Variants in VAV2 observed in about 807,000 individuals in gnomAD.
VAV2 encodes vav guanine nucleotide exchange factor 2.
Under a neutral mutation model 132.5 loss-of-function variants are expected in VAV2, and 67 were observed. The observed-to-expected ratio is 0.51, with a 90% CI of 0.42 to 0.62. The LOEUF (loss-of-function observed/expected upper bound fraction) is 0.62. VAV2 is among the 20% of genes least tolerant of loss of function. VAV2 has a pLI of 0.00. For synonymous variants in VAV2, 492 were observed against 443.5 expected (o/e 1.11, Z -1.37); for missense variants, 938 against 1,153.6 (o/e 0.81, Z 2.71).
chr9:133,806,684 T>G (rs552292061), intron 8 of VAV2, among the ~76,000 whole-genome samples: 132 of 152,290 alleles, frequency 8.7e-4, no homozygotes, highest in Middle Eastern at 3.4e-3. Flanking sequence ...TGACCAGAGC[T>G]CACCCTTGCA....
At chr9:133,982,238 G>A (rs546953165) in intron 1 of VAV2, among the ~76,000 whole-genome samples, 12 of 151,828 alleles carry the variant, frequency 7.9e-5, no homozygotes, top group South Asian at 2.1e-4. Context: ...CTGGGGCACC[G>A]AAGGCCAGGG....
intron 4 of VAV2, among the ~76,000 whole-genome samples, chr9:133,831,645 T>C (rs1207612147): frequency 6.6e-6 from 1 of 152,162 alleles, no homozygotes; most frequent in Admixed American, 6.5e-5. Flanking sequence ...CCTGGCCACA[T>C]AAGGCCGATG....
intron 2 of VAV2, among the ~76,000 whole-genome samples, chr9:133,916,729 T>C (rs1840105181): frequency 6.6e-6 from 1 of 152,162 alleles, no homozygotes; most frequent in Non-Finnish European, 1.5e-5. Flanking sequence ...TCGGTTCCCC[T>C]GCAAAGGACA....
Position 133,785,846 on chromosome 9 carries a change from G to A in VAV2, c.1462C>T (p.Gln488Ter). Reference protein sequence around the residue: ...GFYLIHLQGKQGFQFFCKTED... With the variant: ...GFYLIHLQGK ...GTTTTGCAGAAAAACTGGAAGCCCT[G>A]CTTTCCTTGAAGGTGAATTAGGTAG... Residue 488 changes from glutamine to a stop codon, truncating the protein, a stop_gained, in exon 17 of 30, where the codon CAG (glutamine) becomes TAG (stop). Transcript: ENST00000371850. LOFTEE classifies it high-confidence loss of function. 1.2e-6 allele frequency: 2 copies of A among 1,614,042 alleles called. No homozygotes were observed. The highest frequency in any genetic ancestry group is 1.7e-6 in the Non-Finnish European group (2 of 1,179,992).
chr9:133,789,805 A>T (rs1257302770), intron 13 of VAV2, among the ~76,000 whole-genome samples: 1 of 152,162 alleles, frequency 6.6e-6, no homozygotes, highest in Non-Finnish European at 1.5e-5. Context: ...TGGTTCGCTG[A>T]GGTTCATTTT....
intron 1 of VAV2, among the ~76,000 whole-genome samples, chr9:133,954,437 T>C (rs146870279): frequency 6.6e-6 from 1 of 152,356 alleles, no homozygotes; most frequent in Admixed American, 6.5e-5. Context: ...TCTCGCCTGG[T>C]GCTGGAAAGG....
chr9:133,762,433 C>T lies in VAV2; in HGVS notation c.*1629G>A, dbSNP rs1833289352. On this transcript the variant is annotated 3_prime_UTR_variant, in exon 30 of 30. Transcript: ENST00000371850. The surrounding 1 kb of genome is among the most constrained non-coding windows in gnomAD (Gnocchi z 5.0). ...AACAAAACACAAACAAAACAAAAAC[C>T]CCAAAACCAAAACACAAGACCTTTC... 1 of 152,274 alleles carries T rather than the reference C, an allele frequency of 6.6e-6. No homozygotes were observed. Among genetic ancestry groups the T allele is most frequent in the African/African-American group, 2.4e-5 (1 of 41,370 alleles). The allele number at this position is 152,274 out of a possible 1,614,324, so 9.4% of individuals were successfully genotyped here.
intron 2 of VAV2, among the ~76,000 whole-genome samples, chr9:133,922,023 T>C (rs1840314272): frequency 6.6e-6 from 1 of 152,234 alleles, no homozygotes; most frequent in African/African-American, 2.4e-5. Flanking sequence ...GTTTGGCTGG[T>C]GCAGACGCCA....
intron 1 of VAV2, among the ~76,000 whole-genome samples, chr9:133,985,812 A>T (rs1842841706): frequency 6.6e-6 from 1 of 152,216 alleles, no homozygotes. Context: ...GGTGTAACAC[A>T]GTTCCCACTG....
intron 2 of VAV2, among the ~76,000 whole-genome samples, chr9:133,932,645 C>T (rs1840727282): frequency 6.6e-6 from 1 of 152,212 alleles, no homozygotes; most frequent in Non-Finnish European, 1.5e-5. Flanking sequence ...CATTTGATCC[C>T]TGCAGAAACA....
At chr9:133,791,280 G>A (rs940370840) in intron 13 of VAV2, among the ~76,000 whole-genome samples, 9 of 152,302 alleles carry the variant, frequency 5.9e-5, no homozygotes, top group African/African-American at 2.2e-4. Flanking sequence ...AGCCCCAGGA[G>A]GTGGCAGCCC....
At chr9:133,780,477 G>A (rs1051414944) in intron 20 of VAV2, among the ~76,000 whole-genome samples, 2 of 152,118 alleles carry the variant, frequency 1.3e-5, no homozygotes, top group African/African-American at 2.4e-5. Context: ...GGAATGAGGC[G>A]GGCAGCTGGG....
chr9:133,974,838 C>T (rs1254773368), intron 1 of VAV2, among the ~76,000 whole-genome samples: 1 of 152,160 alleles, frequency 6.6e-6, no homozygotes, highest in East Asian at 1.9e-4. Context: ...GACTTCCAGA[C>T]AGGACACTCA....
At chr9:133,888,164 T>C (rs1358899166) in intron 2 of VAV2, among the ~76,000 whole-genome samples, 1 of 152,106 alleles carries the variant, frequency 6.6e-6, no homozygotes, top group Non-Finnish European at 1.5e-5. Context: ...GCCGGCAGAC[T>C]CACGCAGACA....
In VAV2 at chr9:133,827,603, A is replaced by ACCG. The variant is rs1836072057; in HGVS notation, c.449+6668_449+6669insCGG. On this transcript the variant is annotated intron_variant, in intron 4 of 29. Coordinates refer to ENST00000371850, the MANE Select transcript of VAV2 (RefSeq NM_001134398.2). Reference sequence around the variant, plus strand: ...CCACTGAGCACGGGCATCGCCAGCTACTGCTGTGCCCACTGAGGCTGACCA... The same window carrying ACCG: ...CCACTGAGCACGGGCATCGCCAGCTACCGCTGCTGTGCCCACTGAGGCTGACCA... Among the ~76,000 whole-genome samples the ACCG allele has an allele frequency of 3.6e-5, 3 of 83,824 alleles. 1 individual carries two copies. The highest frequency in any genetic ancestry group is 1.2e-4 in the African/African-American group (3 of 25,384). 55.0% of individuals were successfully genotyped at this position (83,824 alleles called of 152,430 possible).
intron 2 of VAV2, among the ~76,000 whole-genome samples, chr9:133,869,543 G>A (rs1479005076): frequency 3.3e-5 from 5 of 152,148 alleles, no homozygotes; most frequent in South Asian, 2.1e-4. Context: ...CCAGGAGGTC[G>A]AAGCTGCAGT....
intron 1 of VAV2, among the ~76,000 whole-genome samples, chr9:133,988,975 G>C (rs113457460): frequency 0.14 from 20,932 of 152,196 alleles, 1,568 homozygotes; most frequent in Non-Finnish European, 0.16. Context: ...ACTTAGGGAG[G>C]CCTAGGCGGG....
At chr9:133,782,068 T>C (rs1362794203) in intron 19 of VAV2, among the ~76,000 whole-genome samples, 4 of 151,562 alleles carry the variant, frequency 2.6e-5, no homozygotes, top group Non-Finnish European at 5.9e-5. Flanking sequence ...TTTTCCAAAT[T>C]TTCTACGGAA....
intron 1 of VAV2, among the ~76,000 whole-genome samples, chr9:133,960,558 T>C (rs767368497): frequency 6.6e-6 from 1 of 152,206 alleles, no homozygotes; most frequent in Non-Finnish European, 1.5e-5. Flanking sequence ...CCGCCAATTA[T>C]TTCCCAAGCC....
Sources: allele counts gnomAD v4.1 joint callset (sites outside exome capture counted in the v4.1 genomes callset), GRCh38; gene constraint gnomAD v4.1.1; non-coding constraint Gnocchi (gnomAD v3.1); transcripts MANE v1.5; gene names NCBI Gene and HGNC (gene_info 2026-07-23, HGNC 2026-07-21).